Variants in HYCC2 observed in about 807,000 individuals in gnomAD.
HYCC2 encodes the protein hyccin PI4KA lipid kinase complex subunit 2, also known as hyccin 2.
the HYCC2 span, among the ~76,000 whole-genome samples, chr2:201,001,183 G>A: frequency 7.3e-5 from 11 of 151,682 alleles, no homozygotes; most frequent in East Asian, 1.9e-3. Context: ...ACACGATTAG[G>A]TCATGACAGC....
At chr2:201,002,052 C>T in the HYCC2 span, among the ~76,000 whole-genome samples, 1 of 151,512 alleles carries the variant, frequency 6.6e-6, no homozygotes, top group Non-Finnish European at 1.5e-5. Flanking sequence ...TAGCTGAAAA[C>T]GTGCAACATG....
the HYCC2 span, among the ~76,000 whole-genome samples, chr2:201,019,624 G>A: frequency 1.3e-5 from 2 of 151,978 alleles, no homozygotes; most frequent in East Asian, 1.9e-4. Flanking sequence ...GTGGTGGCAC[G>A]CACCTGGGTA....
the HYCC2 span, among the ~76,000 whole-genome samples, chr2:201,037,485 C>T: frequency 1.2e-4 from 19 of 152,170 alleles, no homozygotes; most frequent in Non-Finnish European, 2.5e-4. Flanking sequence ...TACCTGACTT[C>T]AAACTATACT....
the HYCC2 span, chr2:200,979,442 G>A: frequency 6.6e-6 from 1 of 151,150 alleles, no homozygotes; most frequent in Non-Finnish European, 1.5e-5. Flanking sequence ...ATTTAAACAA[G>A]CATCTCATAT....
chr2:201,008,615 C>T, the HYCC2 span, among the ~76,000 whole-genome samples: 135 of 152,040 alleles, frequency 8.9e-4, no homozygotes, highest in African/African-American at 3.2e-3. Context: ...AATAAATGGG[C>T]CAGGTGCAGT....
the HYCC2 span, chr2:200,987,322 A>G: frequency 5.0e-5 from 64 of 1,273,786 alleles, no homozygotes; most frequent in Non-Finnish European, 6.5e-5. Context: ...ATCCTTCTCC[A>G]GCAACTGCCT....
the HYCC2 span, among the ~76,000 whole-genome samples, chr2:201,050,790 C>T: frequency 6.6e-6 from 1 of 151,858 alleles, no homozygotes; most frequent in East Asian, 1.9e-4. Context: ...TAAAAATTAG[C>T]CAGGTGTGGT....
chr2:201,026,259 G>A, the HYCC2 span, among the ~76,000 whole-genome samples: 1 of 152,144 alleles, frequency 6.6e-6, no homozygotes, highest in Non-Finnish European at 1.5e-5. Flanking sequence ...AACAAGAAGA[G>A]CTAACTATCC....
At chr2:201,011,443 T>A in the HYCC2 span, 1 of 1,581,346 alleles carries the variant, frequency 6.3e-7, no homozygotes, top group South Asian at 1.2e-5. Flanking sequence ...AAGACAGAAC[T>A]TTATTGTTCC....
At chr2:201,032,550 T>C in the HYCC2 span, among the ~76,000 whole-genome samples, 4 of 152,232 alleles carry the variant, frequency 2.6e-5, no homozygotes, top group Non-Finnish European at 5.9e-5. Flanking sequence ...ATTTTCTTCA[T>C]AGAGGTCAAC....
At chr2:201,063,247 C>T in the HYCC2 span, 2 of 1,593,124 alleles carry the variant, frequency 1.3e-6, no homozygotes, top group South Asian at 1.1e-5. Context: ...ACACCAAGTG[C>T]TCCACGGGCT....
the HYCC2 span, among the ~76,000 whole-genome samples, chr2:201,005,486 C>G: frequency 6.6e-6 from 1 of 151,970 alleles, no homozygotes; most frequent in South Asian, 2.1e-4. Flanking sequence ...AGAGATGATT[C>G]CTAAGCAAAA....
At chr2:201,030,871 G>A in the HYCC2 span, among the ~76,000 whole-genome samples, 9 of 152,036 alleles carry the variant, frequency 5.9e-5, no homozygotes, top group East Asian at 5.8e-4. Flanking sequence ...GAGCCACTGC[G>A]CCCAGCTTAT....
the HYCC2 span, among the ~76,000 whole-genome samples, chr2:201,012,630 C>T: frequency 1.3e-5 from 2 of 152,092 alleles, no homozygotes; most frequent in African/African-American, 4.8e-5. Flanking sequence ...ATCTCTGGCA[C>T]CTCCAATATT....
At chr2:201,038,549 A>G in the HYCC2 span, among the ~76,000 whole-genome samples, 1 of 152,232 alleles carries the variant, frequency 6.6e-6, no homozygotes, top group Admixed American at 6.5e-5. Context: ...TACACTATGG[A>G]ATACTATGCA....
chr2:201,019,441 A>G, the HYCC2 span, among the ~76,000 whole-genome samples: 1 of 152,148 alleles, frequency 6.6e-6, no homozygotes, highest in East Asian at 1.9e-4. Flanking sequence ...ATCAGATACT[A>G]CTACAAAGTA....
At chr2:201,063,323 G>A in the HYCC2 span, 1 of 1,541,532 alleles carries the variant, frequency 6.5e-7, no homozygotes. Flanking sequence ...GCCACAGAAG[G>A]TGGATGGAAG....
chr2:200,994,187 C>T, the HYCC2 span, among the ~76,000 whole-genome samples: 2 of 151,964 alleles, frequency 1.3e-5, no homozygotes, highest in Non-Finnish European at 2.9e-5. Flanking sequence ...AACAGTGACC[C>T]AACAGTTATT....
the HYCC2 span, among the ~76,000 whole-genome samples, chr2:201,060,566 G>A: frequency 4.0e-4 from 61 of 152,292 alleles, no homozygotes; most frequent in Non-Finnish European, 4.7e-4. Flanking sequence ...TAAAGATGGC[G>A]AAAGAAGAAG....
Sources: allele counts gnomAD v4.1 joint callset (sites outside exome capture counted in the v4.1 genomes callset), GRCh38; gene constraint gnomAD v4.1.1; transcripts MANE v1.5; gene names NCBI Gene and HGNC (gene_info 2026-07-23, HGNC 2026-07-21).